The following BRWD1 variants were observed in gnomAD, a reference collection of about 807,000 sequenced individuals.
The protein encoded by BRWD1 is bromodomain and WD repeat-containing protein 1.
Under a neutral mutation model 251.2 loss-of-function variants are expected in BRWD1, and 82 were observed. The observed-to-expected ratio is 0.33, with a 90% CI of 0.27 to 0.39. BRWD1 has a LOEUF of 0.39. Among genes scored for constraint, BRWD1 ranks in the 10% least tolerant of loss-of-function variants. The pLI is 1.00. For synonymous variants in BRWD1, 918 were observed against 902.8 expected (o/e 1.02, Z -0.30); for missense variants, 2,233 against 2,711.6 (o/e 0.82, Z 3.92).
Position 39,187,136 on chromosome 21 carries a change from T to G in BRWD1, c.*9123A>C. 1 of 1,613,458 alleles carries G rather than the reference T, an allele frequency of 6.2e-7. No individual in the cohort carries two copies. The highest frequency in any genetic ancestry group is 1.1e-5 in the South Asian group (1 of 90,846). ...GAATTTATGGTTGTATCATCCTCTTTATAAACATTCAGTAATTTTTTCTTA... is the reference window on the plus strand; with the variant it reads ...GAATTTATGGTTGTATCATCCTCTTGATAAACATTCAGTAATTTTTTCTTA... On this transcript the variant is annotated 3_prime_UTR_variant, in exon 41 of 41. Coordinates refer to ENST00000342449, the MANE Select transcript of BRWD1 (RefSeq NM_033656.4).
Position 39,195,111 on chromosome 21 carries a change from A to G in BRWD1, c.*1148T>C. On this transcript the variant is annotated 3_prime_UTR_variant, in exon 41 of 41. Coordinates refer to ENST00000342449, the MANE Select transcript of BRWD1 (RefSeq NM_033656.4). ...TAAAATTATTTTCCCACAAAACATG[A>G]CAGTTTCTTATATTTGGACTAGAAG... 1 of 1,182,126 alleles carries G rather than the reference A, an allele frequency of 8.5e-7. No homozygotes were observed. Among genetic ancestry groups the G allele is most frequent in the Non-Finnish European group, 1.1e-6 (1 of 952,118 alleles). 73.2% of individuals were successfully genotyped at this position (1,182,126 alleles called of 1,614,324 possible).
chr21:39,285,264 TAA>T, intron 8 of BRWD1, among the ~76,000 whole-genome samples: 1 of 152,296 alleles, frequency 6.6e-6, no homozygotes, highest in South Asian at 2.1e-4. Context: ...CCTTGAATTT[TAA>T]AAGTTGATTT....
At chr21:39,256,614 T>C (rs1014880919) in intron 18 of BRWD1, among the ~76,000 whole-genome samples, 9 of 152,132 alleles carry the variant, frequency 5.9e-5, no homozygotes, top group Non-Finnish European at 1.3e-4. Context: ...ACAGAGGCTG[T>C]TAAGGTGGGT....
At chr21:39,304,985 A>C (rs2036240759) in intron 4 of BRWD1, among the ~76,000 whole-genome samples, 1 of 111,324 alleles carries the variant, frequency 9.0e-6, no homozygotes, top group South Asian at 3.0e-4. Context: ...TTTGAGATGG[A>C]GTCTTGCTCT....
rs1349203481 is a variant in BRWD1, at chr21:39,187,031, G to C, written c.*9228C>G. 6.4e-7 allele frequency: 1 copy of C among 1,559,308 alleles called. No individual in the cohort carries two copies. Among genetic ancestry groups the C allele is most frequent in the Non-Finnish European group, 8.6e-7 (1 of 1,159,470 alleles). On this transcript the variant is annotated 3_prime_UTR_variant, in exon 41 of 41. Coordinates refer to ENST00000342449, the MANE Select transcript of BRWD1 (RefSeq NM_033656.4). ...CTTCTACATTCTCATAGTCACTATT[G>C]TGCATTTTCTTTCCAGGATCTGAAC...
intron 8 of BRWD1, among the ~76,000 whole-genome samples, chr21:39,291,798 T>A (rs1416092869): frequency 1.3e-5 from 2 of 152,120 alleles, no homozygotes; most frequent in Admixed American, 6.5e-5. Flanking sequence ...CTGTGCTCCA[T>A]CCCACACATG....
chr21:39,195,937 A>G lies in BRWD1; in HGVS notation c.*322T>C, dbSNP rs2031789494. The stretch of plus-strand genomic sequence containing the variant: ...AAATAACTGCATGACACTTGCTGCC[A>G]TGAAAGTAATGCTCATTGGTTTTGA... On this transcript the variant is annotated 3_prime_UTR_variant, in exon 41 of 41. Transcript: ENST00000342449. 1 of 1,029,688 alleles carries G rather than the reference A, an allele frequency of 9.7e-7. No homozygotes were observed. The highest frequency in any genetic ancestry group is 1.2e-6 in the Non-Finnish European group (1 of 859,910). 63.8% of individuals were successfully genotyped at this position (1,029,688 alleles called of 1,614,324 possible).
chr21:39,293,766 G>C (rs1454667601), intron 8 of BRWD1, 45 bp downstream of exon 8: 3 of 1,473,230 alleles, frequency 2.0e-6, no homozygotes, highest in Non-Finnish European at 2.8e-6. Flanking sequence ...TAAAGAAAAA[G>C]GTGAAAATAC....
At chr21:39,239,487 T>C (rs1352154923) in intron 21 of BRWD1, among the ~76,000 whole-genome samples, 1 of 152,210 alleles carries the variant, frequency 6.6e-6, no homozygotes, top group Non-Finnish European at 1.5e-5. Context: ...TTTGAATATA[T>C]TTGTGTCAGT....
intron 20 of BRWD1, among the ~76,000 whole-genome samples, chr21:39,249,171 G>C (rs114719825): frequency 1.0e-3 from 159 of 152,280 alleles, no homozygotes; most frequent in African/African-American, 3.5e-3. Flanking sequence ...ATTGAGTACA[G>C]AAGGGAACAA....
chr21:39,282,959 CA>C lies in BRWD1; in HGVS notation c.832-2712del, dbSNP rs71269097. On this transcript the variant is annotated intron_variant, in intron 8 of 40. Coordinates refer to ENST00000342449, the MANE Select transcript of BRWD1 (RefSeq NM_033656.4). ...GGGCAACAAGAGCGGAACTCCGTCA[CA>C]AAAAAAAAAAAAAAAAGGAATTCTA... 8.7e-3 allele frequency among the ~76,000 whole-genome samples: 769 copies of C among 88,890 alleles called. 9 individuals carry two copies. The highest frequency in any genetic ancestry group is 0.027 in the African/African-American group (644 of 24,134). 58.3% of individuals were successfully genotyped at this position (88,890 alleles called of 152,430 possible). A position where few individuals can be genotyped will look rare whatever the true frequency, so the allele number is the denominator to read the frequency against.
intron 27 of BRWD1, among the ~76,000 whole-genome samples, chr21:39,227,075 G>A (rs1028897272): frequency 6.6e-6 from 1 of 152,212 alleles, no homozygotes; most frequent in Non-Finnish European, 1.5e-5. Flanking sequence ...AGGATCGCTT[G>A]AGCCCAGGAA....
chr21:39,188,517 G>A lies in BRWD1; in HGVS notation c.*7742C>T. On this transcript the variant is annotated 3_prime_UTR_variant, in exon 41 of 41. Coordinates refer to ENST00000342449, the MANE Select transcript of BRWD1 (RefSeq NM_033656.4). ...ATTCTGTAGCAATGAAACCACCAAT[G>A]CCAACCTTCTGAACTTTTTCTTCTG... 1 of 985,390 alleles carries A rather than the reference G, an allele frequency of 1.0e-6. No individual in the cohort carries two copies. Among genetic ancestry groups the A allele is most frequent in the Non-Finnish European group, 1.2e-6 (1 of 829,896 alleles). The allele number at this position is 985,390 out of a possible 1,614,324, so 61.0% of individuals were successfully genotyped here.
rs781584050 is a variant in BRWD1 at position 39,270,022 on chromosome 21, A to G, written c.1407T>C (p.Asp469=). The G allele has an allele frequency of 6.4e-7, 1 of 1,574,280 alleles. No homozygotes were observed. Reference sequence around the variant, plus strand: ...GATGTGTCTCCAGAACAAATACTTCATCAGCATGTCCCTTTATTTAACAAA... The same window carrying G: ...GATGTGTCTCCAGAACAAATACTTCGTCAGCATGTCCCTTTATTTAACAAA... ...QLLHNLMGHA[D]EVFVLETHPF... The change falls in exon 15 of 41, where the codon GAT becomes GAC. Residue 469 remains aspartate, a synonymous_variant. Transcript: ENST00000342449.
chr21:39,279,761 T>C (rs1381259358), intron 9 of BRWD1, among the ~76,000 whole-genome samples: 1 of 152,032 alleles, frequency 6.6e-6, no homozygotes, highest in African/African-American at 2.4e-5. Flanking sequence ...TCAATTGCAC[T>C]AGCCACATTT....
intron 4 of BRWD1, among the ~76,000 whole-genome samples, chr21:39,306,782 A>G (rs1004758249): frequency 6.6e-6 from 1 of 152,230 alleles, no homozygotes; most frequent in East Asian, 1.9e-4. Flanking sequence ...CTTCAAGTAC[A>G]AATCTTATTT....
chr21:39,211,232 G>A (rs145316932), intron 34 of BRWD1, among the ~76,000 whole-genome samples: 13 of 152,100 alleles, frequency 8.5e-5, no homozygotes, highest in African/African-American at 1.7e-4. Flanking sequence ...ATTTGTTTTC[G>A]CAGAATATGA....
At chr21:39,251,947 G>A (rs1223984260) in intron 19 of BRWD1, among the ~76,000 whole-genome samples, 1 of 152,084 alleles carries the variant, frequency 6.6e-6, no homozygotes, top group African/African-American at 2.4e-5. Context: ...AGTGGTATTA[G>A]CAAAGATCAT....
intron 13 of BRWD1, among the ~76,000 whole-genome samples, chr21:39,273,772 T>C (rs1350409496): frequency 6.6e-6 from 1 of 151,954 alleles, no homozygotes; most frequent in Non-Finnish European, 1.5e-5. Context: ...TAAATAAAAA[T>C]AAAGCAGACA....
Sources: allele counts gnomAD v4.1 joint callset (sites outside exome capture counted in the v4.1 genomes callset), GRCh38; gene constraint gnomAD v4.1.1; transcripts MANE v1.5; gene names NCBI Gene and HGNC (gene_info 2026-07-23, HGNC 2026-07-21).